The following KIAA1217 variants were observed in gnomAD, a reference collection of about 807,000 sequenced individuals.
KIAA1217 encodes KIAA1217.
Under a neutral mutation model 163.9 loss-of-function variants are expected in KIAA1217, and 88 were observed. The ratio of observed to expected loss-of-function variants is 0.54; its 90% CI spans 0.45 to 0.64. The LOEUF (loss-of-function observed/expected upper bound fraction) is 0.64, where lower values mean the gene tolerates loss of function less well. KIAA1217 is among the 30% of genes least tolerant of loss of function. The probability of loss-of-function intolerance (pLI) is 0.00; values close to 1 mark genes in which losing one functional copy is unlikely to be tolerated. For missense variants in KIAA1217, 2,372 were observed against 2,475.0 expected (o/e 0.96, Z 0.88); for synonymous variants, 903 against 923.1 (o/e 0.98, Z 0.39).
At chr10:24,106,933 G>A (rs2062654286) in intron 2 of KIAA1217, among the ~76,000 whole-genome samples, 1 of 152,068 alleles carries the variant, frequency 6.6e-6, no homozygotes, top group Admixed American at 6.5e-5. Context: ...TTTTTTACAT[G>A]GCTAAATTGC....
chr10:23,716,234 T>C (rs969012415), intron 1 of KIAA1217, among the ~76,000 whole-genome samples: 1 of 152,140 alleles, frequency 6.6e-6, no homozygotes, highest in South Asian at 2.1e-4. Flanking sequence ...CTTTATGAAA[T>C]AAATGAACAA....
At chr10:23,790,516 TATATATAC>T (rs1390072052) in intron 1 of KIAA1217, among the ~76,000 whole-genome samples, 4 of 103,692 alleles carry the variant, frequency 3.9e-5, no homozygotes, top group Non-Finnish European at 7.2e-5. Context: ...TATACATATG[TATATATAC>T]ATATATACAT....
intron 13 of KIAA1217, among the ~76,000 whole-genome samples, chr10:24,527,499 T>TAA (rs35172680): frequency 5.6e-5 from 8 of 142,104 alleles, no homozygotes; most frequent in South Asian, 2.3e-4. Flanking sequence ...CATTGCTACT[T>TAA]AAAAAAAAAA....
chr10:24,542,490 A>G, intron 17 of KIAA1217: 1 of 1,402,194 alleles, frequency 7.1e-7, no homozygotes, highest in Non-Finnish European at 9.3e-7. Flanking sequence ...TGAGATTTTC[A>G]TCTTGTGCAA....
intron 1 of KIAA1217, among the ~76,000 whole-genome samples, chr10:23,832,516 G>T (rs556683378): frequency 6.6e-6 from 1 of 152,118 alleles, no homozygotes; most frequent in Non-Finnish European, 1.5e-5. Context: ...CTCCTGAAGC[G>T]CAGGAGTAGG....
chr10:23,725,004 A>G (rs1249159953), intron 1 of KIAA1217, among the ~76,000 whole-genome samples: 1 of 152,114 alleles, frequency 6.6e-6, no homozygotes, highest in African/African-American at 2.4e-5. Context: ...AGTTCTACAC[A>G]GAGGGAGCCT....
intron 1 of KIAA1217, among the ~76,000 whole-genome samples, chr10:23,735,196 A>G (rs1006498633): frequency 1.3e-5 from 2 of 152,160 alleles, no homozygotes; most frequent in African/African-American, 4.8e-5. Context: ...GAGTATTCAG[A>G]GCTTCAATTT....
At chr10:24,465,493 G>C (rs2062843562) in intron 5 of KIAA1217, among the ~76,000 whole-genome samples, 1 of 152,214 alleles carries the variant, frequency 6.6e-6, no homozygotes, top group Admixed American at 6.5e-5. Flanking sequence ...TGCACAGGCT[G>C]CCCAGAGCGT....
intron 2 of KIAA1217, among the ~76,000 whole-genome samples, chr10:24,318,700 G>A (rs1270131058): frequency 6.6e-6 from 1 of 152,160 alleles, no homozygotes; most frequent in African/African-American, 2.4e-5. Flanking sequence ...GAATCAGATT[G>A]GACAACATTT....
intron 1 of KIAA1217, among the ~76,000 whole-genome samples, chr10:23,740,229 G>C (rs933670557): frequency 2.0e-5 from 3 of 152,164 alleles, no homozygotes; most frequent in African/African-American, 7.2e-5. Flanking sequence ...TAGAGAAATA[G>C]ATATGTTGGC....
chr10:23,786,892 A>G (rs1835519182), intron 1 of KIAA1217, among the ~76,000 whole-genome samples: 1 of 152,210 alleles, frequency 6.6e-6, no homozygotes, highest in Non-Finnish European at 1.5e-5. Flanking sequence ...TTTACCGATC[A>G]TGACAGCTAT....
chr10:24,435,865 C>G (rs2059974100), intron 4 of KIAA1217, among the ~76,000 whole-genome samples: 1 of 145,300 alleles, frequency 6.9e-6, no homozygotes, highest in Admixed American at 6.9e-5. Flanking sequence ...GATAGCCTAA[C>G]TTTTTTTTTT....
At chr10:23,911,726 G>A (rs545660921) in intron 1 of KIAA1217, among the ~76,000 whole-genome samples, 1 of 152,268 alleles carries the variant, frequency 6.6e-6, no homozygotes, top group African/African-American at 2.4e-5. Context: ...AAGGTTGAAT[G>A]TCTAGGCATG....
At chr10:23,729,543 G>A (rs1477743872) in intron 1 of KIAA1217, among the ~76,000 whole-genome samples, 1 of 152,074 alleles carries the variant, frequency 6.6e-6, no homozygotes, top group Non-Finnish European at 1.5e-5. Context: ...ATTTATCTGA[G>A]GACATATCAT....
At chr10:23,978,531 A>AC (rs1161403763) in intron 1 of KIAA1217, among the ~76,000 whole-genome samples, 2 of 152,060 alleles carry the variant, frequency 1.3e-5, no homozygotes, top group Admixed American at 6.5e-5. Context: ...CTTTCGTATG[A>AC]CCCTGGCCCT....
chr10:24,363,275 C>T (rs1050686184), intron 2 of KIAA1217, among the ~76,000 whole-genome samples: 42 of 152,180 alleles, frequency 2.8e-4, no homozygotes, highest in Admixed American at 2.4e-3. Flanking sequence ...TATTCTTGAG[C>T]AATTCTTCTC....
Position 24,094,145 on chromosome 10 carries a change from T to C in KIAA1217, c.-171+86771T>C, listed in dbSNP as rs550279100. On this transcript the variant is annotated intron_variant, in intron 2 of 18. Transcript: ENST00000376462. ...TGTGTCTTTATAGCAGCATGATTTA[T>C]AGTCCTTTCGGTATATACCTAGTAA... 2.6e-4 allele frequency among the ~76,000 whole-genome samples: 40 copies of C among 152,304 alleles called. 1 individual carries two copies. The highest frequency in any genetic ancestry group is 1.7e-3 in the South Asian group (8 of 4,820).
intron 1 of KIAA1217, among the ~76,000 whole-genome samples, chr10:23,770,319 A>T (rs1834737051): frequency 6.6e-6 from 1 of 152,218 alleles, no homozygotes; most frequent in Admixed American, 6.5e-5. Flanking sequence ...GTGGTTGCAC[A>T]TTGGATGAAA....
chr10:23,888,802 C>T (rs754127102), intron 1 of KIAA1217, among the ~76,000 whole-genome samples: 13 of 151,980 alleles, frequency 8.6e-5, no homozygotes, highest in Admixed American at 2.0e-4. Context: ...AGACATAGAA[C>T]ATTTCCTTCA....
Sources: gnomAD v4.1 joint callset for allele counts (sites outside exome capture counted in the v4.1 genomes callset) on GRCh38, gnomAD v4.1.1 for gene constraint, MANE v1.5 for transcripts, NCBI Gene and HGNC (gene_info 2026-07-23, HGNC 2026-07-21) for gene names.